Variants in GMDS observed in about 807,000 individuals in gnomAD.
GMDS encodes the protein GDP-mannose 4,6-dehydratase.
GMDS carries 20 observed loss-of-function variants against 49.9 expected under a neutral mutation model. That is an observed-to-expected ratio of 0.40 (90% CI 0.28 to 0.58). The LOEUF (loss-of-function observed/expected upper bound fraction) is 0.58. Among genes scored for constraint, GMDS ranks in the 20% least tolerant of loss-of-function variants. GMDS has a pLI of 0.42. For missense variants in GMDS, 362 were observed against 481.4 expected, an observed-to-expected ratio of 0.75 and a Z score of 2.32; for synonymous variants, 177 against 178.6, an observed-to-expected ratio of 0.99 and a Z score of 0.07.
chr6:1,680,907 C>T (rs925713658), intron 9 of GMDS, among the ~76,000 whole-genome samples: 2 of 152,180 alleles, frequency 1.3e-5, no homozygotes, highest in African/African-American at 4.8e-5. Flanking sequence ...ATGATGTTTC[C>T]TAAAGAAAAG....
chr6:1,690,801 C>G (rs1056966787), intron 9 of GMDS, among the ~76,000 whole-genome samples: 1 of 152,172 alleles, frequency 6.6e-6, no homozygotes, highest in African/African-American at 2.4e-5. Context: ...CAAATCAAAA[C>G]CACAGTGAGA....
At chr6:2,163,937 T>A (rs1012396657) in intron 1 of GMDS, among the ~76,000 whole-genome samples, 1 of 152,238 alleles carries the variant, frequency 6.6e-6, no homozygotes, top group South Asian at 2.1e-4. Flanking sequence ...GTGAAAGCCA[T>A]GTCTTCTGGA....
intron 1 of GMDS, among the ~76,000 whole-genome samples, chr6:2,241,438 G>T (rs972547417): frequency 6.6e-6 from 1 of 152,132 alleles, no homozygotes; most frequent in Non-Finnish European, 1.5e-5. Flanking sequence ...GAGATCTGGG[G>T]GGTCAGGGAT....
chr6:2,238,725 G>A (rs1581845446), intron 1 of GMDS, among the ~76,000 whole-genome samples: 1 of 151,862 alleles, frequency 6.6e-6, no homozygotes, highest in East Asian at 1.9e-4. Flanking sequence ...TTCTACCCAA[G>A]AAAAACCCAA....
At chr6:2,066,098 G>C (rs1286738457) in intron 4 of GMDS, among the ~76,000 whole-genome samples, 5 of 152,162 alleles carry the variant, frequency 3.3e-5, no homozygotes, top group South Asian at 2.1e-4. Context: ...AGCCAGAAGA[G>C]AGTGGGGGCC....
intron 7 of GMDS, among the ~76,000 whole-genome samples, chr6:1,888,928 C>T (rs1025281202): frequency 1.3e-5 from 2 of 152,178 alleles, no homozygotes; most frequent in Non-Finnish European, 2.9e-5. Flanking sequence ...TCTCCTTTGA[C>T]GTCATGTCTC....
intron 1 of GMDS, among the ~76,000 whole-genome samples, chr6:2,239,974 C>T (rs1284713732): frequency 6.6e-6 from 1 of 152,210 alleles, no homozygotes; most frequent in African/African-American, 2.4e-5. Context: ...GCTGGGACCA[C>T]AGGTGTGAGC....
At chr6:1,853,987 A>T (rs984376223) in intron 7 of GMDS, among the ~76,000 whole-genome samples, 2 of 152,160 alleles carry the variant, frequency 1.3e-5, no homozygotes, top group Non-Finnish European at 2.9e-5. Context: ...GAACATGGAC[A>T]TGGTCAAGAG....
At chr6:2,002,961 C>T (rs961964247) in intron 4 of GMDS, among the ~76,000 whole-genome samples, 4 of 152,046 alleles carry the variant, frequency 2.6e-5, no homozygotes, top group African/African-American at 9.7e-5. Flanking sequence ...CTTTTATAAA[C>T]CTTTTTTCCA....
At chr6:2,071,520 C>T (rs1054073372) in intron 4 of GMDS, among the ~76,000 whole-genome samples, 3 of 151,868 alleles carry the variant, frequency 2.0e-5, no homozygotes, top group Non-Finnish European at 2.9e-5. Context: ...TCTTAATTAA[C>T]AGGAGCTCAA....
chr6:1,907,873 C>T (rs540164582), intron 7 of GMDS, among the ~76,000 whole-genome samples: 5 of 152,304 alleles, frequency 3.3e-5, no homozygotes, highest in South Asian at 2.1e-4. Context: ...CCAAAGTCCC[C>T]GGTGGATACC....
chr6:1,951,264 A>AT (rs996172257), intron 6 of GMDS, among the ~76,000 whole-genome samples: 1 of 152,236 alleles, frequency 6.6e-6, no homozygotes, highest in Non-Finnish European at 1.5e-5. Context: ...ACAGTCAGAC[A>AT]TTTTATAAAG....
intron 9 of GMDS, among the ~76,000 whole-genome samples, chr6:1,720,283 C>T (rs1766333819): frequency 6.6e-6 from 1 of 151,852 alleles, no homozygotes; most frequent in Admixed American, 6.6e-5. Context: ...GTTATATGGC[C>T]CTTGGGGATT....
At chr6:1,731,785 G>A (rs2113456551) in intron 8 of GMDS, among the ~76,000 whole-genome samples, 1 of 152,316 alleles carries the variant, frequency 6.6e-6, no homozygotes, top group East Asian at 1.9e-4. Context: ...GAGCCCCCCA[G>A]AGGAGCATGA....
intron 9 of GMDS, among the ~76,000 whole-genome samples, chr6:1,662,130 C>T (rs1764099396): frequency 6.6e-6 from 1 of 152,166 alleles, no homozygotes; most frequent in Admixed American, 6.5e-5. Context: ...CAGCACTTCT[C>T]GGTGCCTTCT....
Position 1,917,180 on chromosome 6 carries a change from C to T in GMDS, c.771+12923G>A, listed in dbSNP as rs571488638. Among the ~76,000 whole-genome samples the T allele has an allele frequency of 5.9e-5, 9 of 152,168 alleles. No individual in the cohort carries two copies. In the South Asian group the frequency reaches 1.5e-3, roughly 25 times the overall value. Reference sequence around the variant, plus strand: ...TATGTAATACCTAGCGAGAGGAATACGTTTGCTACACAATCAACACTTGAA... The same window carrying T: ...TATGTAATACCTAGCGAGAGGAATATGTTTGCTACACAATCAACACTTGAA... On this transcript the variant is annotated intron_variant, in intron 7 of 10. Transcript: ENST00000380815.
At chr6:1,930,503 C>A in intron 6 of GMDS, 1 of 288,884 alleles carries the variant, frequency 3.5e-6, no homozygotes, top group Non-Finnish European at 6.4e-6. Flanking sequence ...TTTGTTGCTT[C>A]AATATGCAAC....
At chr6:2,016,559 G>C (rs182795614) in intron 4 of GMDS, among the ~76,000 whole-genome samples, 1 of 152,244 alleles carries the variant, frequency 6.6e-6, no homozygotes, top group East Asian at 1.9e-4. Context: ...ACAGGAAATC[G>C]AGAAATAACA....
chr6:2,192,861 G>T (rs528459522), intron 1 of GMDS, among the ~76,000 whole-genome samples: 3 of 152,334 alleles, frequency 2.0e-5, no homozygotes, highest in Admixed American at 6.5e-5. Context: ...AGGCCAAGTG[G>T]GAGGAACAAG....
Sources: allele counts gnomAD v4.1 joint callset (sites outside exome capture counted in the v4.1 genomes callset), GRCh38; gene constraint gnomAD v4.1.1; transcripts MANE v1.5; gene names NCBI Gene and HGNC (gene_info 2026-07-23, HGNC 2026-07-21).